Variants in WWOX observed in about 807,000 individuals in gnomAD.
The protein encoded by WWOX is WW domain containing oxidoreductase.
In WWOX, 69 loss-of-function variants were observed where a neutral mutation model predicts 46.2. That is an observed-to-expected ratio of 1.49 (90% confidence interval 1.23 to 1.82). The LOEUF (loss-of-function observed/expected upper bound fraction) is 1.82, where lower values mean the gene tolerates loss of function less well. Among genes scored for constraint, WWOX ranks in the 40% most tolerant of loss-of-function variants. The pLI, the probability that WWOX is intolerant of heterozygous loss-of-function variation, is 0.00. For synonymous variants in WWOX, 359 were observed against 202.6 expected (o/e 1.77, Z -6.56); for missense variants, 919 against 542.6 (o/e 1.69, Z -6.89).
At chr16:78,897,965 C>T (rs139464172) in intron 8 of WWOX, 21 of 151,086 alleles carry the variant, frequency 1.4e-4, no homozygotes, top group African/African-American at 3.7e-4. Context: ...TATTTTCTTT[C>T]TGTGAACTGC....
chr16:78,904,867 C>G (rs2044921285), intron 8 of WWOX, among the ~76,000 whole-genome samples: 1 of 152,048 alleles, frequency 6.6e-6, no homozygotes, highest in African/African-American at 2.4e-5. Flanking sequence ...CATTTTTTCT[C>G]CTTTTAAAGA....
intron 4 of WWOX, among the ~76,000 whole-genome samples, chr16:78,153,081 T>G (rs1172760632): frequency 1.3e-5 from 2 of 152,196 alleles, no homozygotes; most frequent in Non-Finnish European, 2.9e-5. Flanking sequence ...TTGGCAGCTG[T>G]GGATCGTGTT....
chr16:78,883,997 G>A (rs1246718186), intron 8 of WWOX, among the ~76,000 whole-genome samples: 2 of 152,014 alleles, frequency 1.3e-5, no homozygotes, highest in African/African-American at 4.8e-5. Context: ...TTTCACTTCT[G>A]GCCAGGCGTG....
chr16:78,876,486 A>G (rs1472152035), intron 8 of WWOX, among the ~76,000 whole-genome samples: 1 of 147,592 alleles, frequency 6.8e-6, no homozygotes, highest in Non-Finnish European at 1.5e-5. Context: ...TTTTTTTTTT[A>G]AAGGAGTTTC....
chr16:79,183,487 G>A (rs114185445), intron 8 of WWOX, among the ~76,000 whole-genome samples: 80 of 152,332 alleles, frequency 5.3e-4, no homozygotes, highest in African/African-American at 1.9e-3. Flanking sequence ...GCTTTTGGAA[G>A]ATACACATTT....
intron 8 of WWOX, among the ~76,000 whole-genome samples, chr16:79,028,174 C>T (rs935996833): frequency 6.6e-6 from 1 of 151,750 alleles, no homozygotes; most frequent in Non-Finnish European, 1.5e-5. Context: ...TGGTCTCGAT[C>T]TCCTGACCTC....
Position 78,424,965 on chromosome 16 carries a change from T to C in WWOX, c.701T>C (p.Leu234Pro). The change falls in exon 7 of 9, where the codon CTG (leucine) becomes CCG (proline). Residue 234 changes from leucine (L) to proline (P), a missense_variant. By Grantham distance (98) the Leu-to-Pro change is moderately conservative. Transcript: ENST00000566780. ...GAGACCACCTTTCAAGTGAATCATC[T>C]GGGGCACTTCTACCTTGTCCAGCTC... Reference protein sequence around the residue: ...GLETTFQVNHLGHFYLVQLLQ... With the variant: ...GLETTFQVNHPGHFYLVQLLQ... 10 of 1,614,168 alleles carry C rather than the reference T, an allele frequency of 6.2e-6. No homozygotes were observed. Among genetic ancestry groups the C allele is most frequent in the Non-Finnish European group, 8.5e-6 (10 of 1,180,028 alleles).
intron 5 of WWOX, among the ~76,000 whole-genome samples, chr16:78,248,864 CTTTTTTTTTTT>C (rs869134108): frequency 8.5e-6 from 1 of 117,392 alleles, no homozygotes; most frequent in Non-Finnish European, 1.8e-5. Context: ...GCCCCCCGGC[CTTTTTTTTTTT>C]TTTTTTTTTT....
intron 8 of WWOX, among the ~76,000 whole-genome samples, chr16:79,065,332 A>T (rs2048422172): frequency 6.6e-6 from 1 of 152,204 alleles, no homozygotes; most frequent in African/African-American, 2.4e-5. Context: ...TTATTACCCA[A>T]ATCAGCCTCC....
chr16:79,103,061 G>A (rs143440451), intron 8 of WWOX, among the ~76,000 whole-genome samples: 232 of 151,974 alleles, frequency 1.5e-3, no homozygotes, highest in African/African-American at 5.3e-3. Flanking sequence ...CTTTGGGCAA[G>A]TTCTCACCAT....
chr16:78,919,062 G>T (rs895866551), intron 8 of WWOX, among the ~76,000 whole-genome samples: 1 of 152,044 alleles, frequency 6.6e-6, no homozygotes, highest in Non-Finnish European at 1.5e-5. Context: ...GCTGCCAAGG[G>T]GGGCTGTTCC....
intron 8 of WWOX, among the ~76,000 whole-genome samples, chr16:78,646,495 T>C (rs112751112): frequency 6.6e-6 from 1 of 152,286 alleles, no homozygotes; most frequent in Non-Finnish European, 1.5e-5. Flanking sequence ...TGGCGTGATC[T>C]TAGCTCACTG....
intron 8 of WWOX, 91 bp from the exon 9 acceptor site, chr16:79,211,517 G>T: frequency 6.5e-7 from 1 of 1,530,060 alleles, no homozygotes; most frequent in Non-Finnish European, 9.0e-7. Context: ...CCAGGTGGGG[G>T]AGGCCTGCTA....
chr16:78,450,569 T>A (rs559291567), intron 8 of WWOX, among the ~76,000 whole-genome samples: 10 of 152,214 alleles, frequency 6.6e-5, no homozygotes, highest in Non-Finnish European at 1.3e-4. Context: ...TTTCTTAGTA[T>A]TCTCACTCTT....
At chr16:78,575,892 A>G (rs1287715931) in intron 8 of WWOX, among the ~76,000 whole-genome samples, 1 of 152,204 alleles carries the variant, frequency 6.6e-6, no homozygotes, top group African/African-American at 2.4e-5. Context: ...GTAAGGTTAC[A>G]TCTTTTTACC....
At chr16:78,914,993 G>A (rs7205490) in intron 8 of WWOX, among the ~76,000 whole-genome samples, 151,046 of 152,050 alleles carry the variant, frequency 0.99, 75,026 homozygotes, top group Middle Eastern at 1. Context: ...TGTATTAGGT[G>A]GTAAGATAGT....
intron 5 of WWOX, among the ~76,000 whole-genome samples, chr16:78,273,341 G>C (rs1160661014): frequency 6.6e-6 from 1 of 151,992 alleles, no homozygotes; most frequent in East Asian, 1.9e-4. Flanking sequence ...CAGTGTTTTG[G>C]GGTGGTATGG....
intron 8 of WWOX, among the ~76,000 whole-genome samples, chr16:78,513,992 C>T (rs1384904360): frequency 6.7e-6 from 1 of 148,584 alleles, no homozygotes; most frequent in African/African-American, 2.6e-5. Context: ...AGTCCTGGTT[C>T]ACACAGTGTT....
chr16:78,331,499 G>C (rs1052759928), intron 5 of WWOX, among the ~76,000 whole-genome samples: 6 of 152,188 alleles, frequency 3.9e-5, no homozygotes, highest in African/African-American at 1.4e-4. Flanking sequence ...AATATAGCTA[G>C]TTTTTGTCCA....
Sources: allele counts gnomAD v4.1 joint callset (sites outside exome capture counted in the v4.1 genomes callset), GRCh38; gene constraint gnomAD v4.1.1; transcripts MANE v1.5; gene names NCBI Gene and HGNC (gene_info 2026-07-23, HGNC 2026-07-21).